KMT2C: variants seen among roughly 807,000 people sequenced by gnomAD.
KMT2C encodes lysine methyltransferase 2C.
Under a neutral mutation model 507.9 loss-of-function variants are expected in KMT2C, and 88 were observed. The ratio of observed to expected loss-of-function variants is 0.17; its 90% CI spans 0.15 to 0.21. The LOEUF (loss-of-function observed/expected upper bound fraction) is 0.21. KMT2C is among the 10% of genes least tolerant of loss of function. The pLI, the probability that KMT2C is intolerant of heterozygous loss-of-function variation, is 1.00. For missense variants in KMT2C, 4,954 were observed against 5,957.8 expected, an observed-to-expected ratio of 0.83 and a Z score of 5.55; for synonymous variants, 2,049 against 2,080.8, an observed-to-expected ratio of 0.98 and a Z score of 0.42.
chr7:152,222,537 A>T (rs1427983878), intron 21 of KMT2C, 36 bp downstream of exon 21: 9 of 1,090,432 alleles, frequency 8.3e-6, no homozygotes, highest in Non-Finnish European at 1.3e-5. Flanking sequence ...TGAGTGGTAC[A>T]AGAGTGCAGA....
intron 2 of KMT2C, among the ~76,000 whole-genome samples, chr7:152,332,761 T>C (rs1202719378): frequency 1.3e-5 from 2 of 151,688 alleles, no homozygotes; most frequent in East Asian, 3.9e-4. Context: ...GGCAGGAGAA[T>C]TGCTTAAACC....
chr7:152,330,191 GA>G (rs1032313707), intron 3 of KMT2C, among the ~76,000 whole-genome samples: 7 of 149,252 alleles, frequency 4.7e-5, no homozygotes, highest in South Asian at 4.3e-4. Context: ...GAAAAAGAAA[GA>G]AAAAAAATAG....
intron 1 of KMT2C, among the ~76,000 whole-genome samples, chr7:152,364,568 C>T (rs1312043722): frequency 6.7e-6 from 1 of 149,028 alleles, no homozygotes; most frequent in Non-Finnish European, 1.5e-5. Flanking sequence ...GAGATTACAC[C>T]ACTGCACTCC....
At chr7:152,313,697 AAATT>A (rs1308871169) in intron 4 of KMT2C, among the ~76,000 whole-genome samples, 1 of 152,150 alleles carries the variant, frequency 6.6e-6, no homozygotes, top group Non-Finnish European at 1.5e-5. Flanking sequence ...TTACCAAGCT[AAATT>A]AATTGCCTAC....
At chr7:152,218,816 C>T (rs1588311410) in intron 23 of KMT2C, among the ~76,000 whole-genome samples, 3 of 152,220 alleles carry the variant, frequency 2.0e-5, no homozygotes, top group Admixed American at 6.5e-5. Context: ...ATGCTCAGCA[C>T]ACTCTCACCC....
At chr7:152,377,309 C>T (rs1385301700) in intron 1 of KMT2C, among the ~76,000 whole-genome samples, 1 of 152,300 alleles carries the variant, frequency 6.6e-6, no homozygotes, top group Non-Finnish European at 1.5e-5. Context: ...TAACAATGGA[C>T]CAGGTCATTC....
chr7:152,374,878 G>A (rs962748913), intron 1 of KMT2C, among the ~76,000 whole-genome samples: 4 of 135,856 alleles, frequency 2.9e-5, no homozygotes, highest in African/African-American at 1.2e-4. Context: ...GGGAGACTCT[G>A]TCTCTCAAAA....
chr7:152,171,380 G>A (rs567859100), intron 39 of KMT2C, 38 bp from the exon 40 acceptor site: 41 of 1,327,236 alleles, frequency 3.1e-5, no homozygotes, highest in African/African-American at 2.1e-4. Context: ...AGTGATGAGC[G>A]TTTAGAAATT....
intron 19 of KMT2C, 70 bp downstream of exon 19, chr7:152,224,365 T>G: frequency 1.3e-6 from 2 of 1,515,048 alleles, no homozygotes; most frequent in Non-Finnish European, 1.8e-6. Context: ...TGGCTAATTT[T>G]TAAAAACCAA....
intron 3 of KMT2C, among the ~76,000 whole-genome samples, chr7:152,326,873 T>G (rs2096833814): frequency 7.2e-5 from 11 of 152,114 alleles, no homozygotes; most frequent in Admixed American, 7.2e-4. Context: ...AGAGCAAGAC[T>G]CTGTCTCAAA....
rs375555515 is a variant in KMT2C, at chr7:152,179,904, A to G, written c.7372T>C (p.Phe2458Leu). ...TAGGGTCCACGCTGATCTTTTGGGA[A>G]AACAGCATATCTAGGTCCTAAAGGA... ...APPLGPRYAV[F>L]PKDQRGPYPP... The change falls in exon 37 of 59, where the codon TTC becomes CTC. Residue 2458 changes from phenylalanine to leucine, a missense_variant. By Grantham distance (22) the Phe-to-Leu change is conservative (BLOSUM62 0). Transcript: ENST00000262189. The G allele has an allele frequency of 9.8e-5, 158 of 1,613,998 alleles. No individual in the cohort carries two copies. The highest frequency in any genetic ancestry group is 1.2e-4 in the Non-Finnish European group (139 of 1,179,984).
chr7:152,222,146 TTC>T lies in KMT2C; in HGVS notation c.3434-82_3434-81del, dbSNP rs937654593. The T allele has an allele frequency of 1.9e-4, 175 of 936,446 alleles. 2 individuals carry two copies. The highest frequency in any genetic ancestry group is 9.4e-4 in the Admixed American group (33 of 35,122). The allele number at this position is 936,446 out of a possible 1,614,324, so 58.0% of individuals were successfully genotyped here. Reference sequence around the variant, plus strand: ...TTAAATACTTATATATGATTATAATTTCTGTTTCTATACTCATTTTATTAAAA... The same window carrying T: ...TTAAATACTTATATATGATTATAATTTGTTTCTATACTCATTTTATTAAAA... On this transcript the variant is annotated intron_variant, in intron 21 of 58. Transcript: ENST00000262189.
chr7:152,297,055 C>CAGACAGAGAGAGAGAGAGAGAG (rs1315629061), intron 6 of KMT2C, among the ~76,000 whole-genome samples: 22 of 84,424 alleles, frequency 2.6e-4, no homozygotes, highest in Non-Finnish European at 4.8e-4. Flanking sequence ...GAAAGAAAGA[C>CAGACAGAGAGAGAGAGAGAGAG]AGAGAGAGAG....
intron 2 of KMT2C, among the ~76,000 whole-genome samples, chr7:152,331,642 ATTTT>A (rs34778581): frequency 0.012 from 1,207 of 99,290 alleles, 14 homozygotes; most frequent in African/African-American, 0.051. Flanking sequence ...CAACAAAAAG[ATTTT>A]TTTTTTTTTT....
intron 3 of KMT2C, among the ~76,000 whole-genome samples, chr7:152,329,036 A>G (rs2096856162): frequency 6.6e-6 from 1 of 152,064 alleles, no homozygotes; most frequent in South Asian, 2.1e-4. Flanking sequence ...CAGGTAAAGA[A>G]GAGTAACGGA....
rs753793539 is a variant in KMT2C at position 152,148,465 on chromosome 7, C to T, written c.13462G>A (p.Ala4488Thr). Residue 4488 changes from alanine to threonine, a missense_variant, in exon 52 of 59, where the codon GCC (alanine) becomes ACC (threonine). Ala to Thr is a moderately conservative substitution (Grantham distance 58). Coordinates refer to ENST00000262189, the MANE Select transcript of KMT2C (RefSeq NM_170606.3). The surrounding 1 kb of genome is among the most constrained non-coding windows in gnomAD (Gnocchi z 7.1). Reference protein sequence around the residue: ...RCTNIYHFTCAIKAQCMFFKD... With the variant: ...RCTNIYHFTCTIKAQCMFFKD... ...AAAAACATGCATTGTGCTTTAATGG[C>T]GCAAGTGAAGTGATAAATGTTGGTG... 6.2e-7 allele frequency: 1 copy of T among 1,614,200 alleles called. No individual in the cohort carries two copies. Among genetic ancestry groups the T allele is most frequent in the Admixed American group, 1.7e-5 (1 of 60,018 alleles).
In KMT2C at chr7:152,148,405, G is replaced by T. The variant is rs182572555; in HGVS notation, c.13522C>A (p.Pro4508Thr). ...AATTCTTGCTCATGAATTCCCTTTG[G>T]TTTGTGCATGGGGCAAAGCATAGTT... ...DKTMLCPMHK[P>T]KGIHEQELSY... The change falls in exon 52 of 59, where the codon CCA becomes ACA. Residue 4508 changes from proline to threonine, a missense_variant. Physicochemically the swap from Pro to Thr is conservative, Grantham distance 38 (BLOSUM62 -1). Coordinates refer to ENST00000262189, the MANE Select transcript of KMT2C (RefSeq NM_170606.3). The surrounding 1 kb of genome is among the most constrained non-coding windows in gnomAD (Gnocchi z 7.1). 18 of 1,614,114 alleles carry T rather than the reference G, an allele frequency of 1.1e-5. No individual in the cohort carries two copies. In the East Asian group the frequency reaches 4.0e-4, roughly 36 times the overall value.
chr7:152,293,355 GT>G (rs1282625396), intron 6 of KMT2C, among the ~76,000 whole-genome samples: 1 of 152,116 alleles, frequency 6.6e-6, no homozygotes, highest in Non-Finnish European at 1.5e-5. Context: ...AGAGAAATAA[GT>G]TTTTGAAGTA....
At chr7:152,290,220 ATGTGTGTGTGTGTGTG>A (rs71198772) in intron 6 of KMT2C, among the ~76,000 whole-genome samples, 1 of 86,294 alleles carries the variant, frequency 1.2e-5, no homozygotes, top group Non-Finnish European at 2.1e-5. Context: ...TTATATATAT[ATGTGTGTGTGTGTGTG>A]TGTGTGTGTG....
Sources: gnomAD v4.1 joint callset for allele counts (sites outside exome capture counted in the v4.1 genomes callset) on GRCh38, gnomAD v4.1.1 for gene constraint, Gnocchi (gnomAD v3.1) non-coding constraint, MANE v1.5 for transcripts, NCBI Gene and HGNC (gene_info 2026-07-23, HGNC 2026-07-21) for gene names.